Variants in LRMDA observed in about 807,000 individuals in gnomAD.
LRMDA encodes leucine rich melanocyte differentiation associated.
LRMDA carries 18 observed loss-of-function variants against 29.8 expected under a neutral mutation model. The ratio of observed to expected loss-of-function variants is 0.60; its 90% CI spans 0.42 to 0.90. LRMDA has a LOEUF of 0.90. Ranked by LOEUF, LRMDA falls within the 40% of genes least tolerant of loss-of-function variation. LRMDA has a pLI of 0.00. For synonymous variants in LRMDA, 125 were observed against 109.4 expected (o/e 1.14, Z -0.89); for missense variants, 273 against 273.9 (o/e 1.00, Z 0.02).
intron 5 of LRMDA, among the ~76,000 whole-genome samples, chr10:76,283,771 C>T (rs1225674553): frequency 1.3e-5 from 2 of 152,142 alleles, no homozygotes; most frequent in Non-Finnish European, 2.9e-5. Flanking sequence ...CTGGTTCAAC[C>T]AATACCCTGG....
chr10:76,130,515 C>T (rs1849968014), intron 5 of LRMDA, among the ~76,000 whole-genome samples: 1 of 152,182 alleles, frequency 6.6e-6, no homozygotes, highest in Non-Finnish European at 1.5e-5. Flanking sequence ...CTTCTTCGGT[C>T]AGAAGCTGTT....
chr10:75,734,635 C>T (rs1176835183), intron 2 of LRMDA, among the ~76,000 whole-genome samples: 4 of 152,120 alleles, frequency 2.6e-5, no homozygotes, highest in Non-Finnish European at 5.9e-5. Context: ...TATTGAGTAC[C>T]TGCTCTTTGC....
At chr10:75,494,587 G>A (rs1373462951) in intron 2 of LRMDA, among the ~76,000 whole-genome samples, 6 of 121,790 alleles carry the variant, frequency 4.9e-5, no homozygotes, top group African/African-American at 1.9e-4. Flanking sequence ...TGCAAACTCC[G>A]CCTCCTGGGT....
At chr10:76,452,864 A>G (rs191516259) in intron 6 of LRMDA, among the ~76,000 whole-genome samples, 2 of 152,316 alleles carry the variant, frequency 1.3e-5, no homozygotes, top group African/African-American at 4.8e-5. Context: ...TGATGGAGTT[A>G]TATCCTAGGA....
intron 6 of LRMDA, among the ~76,000 whole-genome samples, chr10:76,553,106 A>G (rs1843514725): frequency 6.6e-6 from 1 of 152,210 alleles, no homozygotes; most frequent in African/African-American, 2.4e-5. Context: ...TACTTAAGAA[A>G]AATTAGGAGT....
At chr10:75,723,797 T>C (rs575576177) in intron 2 of LRMDA, among the ~76,000 whole-genome samples, 1 of 152,306 alleles carries the variant, frequency 6.6e-6, no homozygotes, top group East Asian at 1.9e-4. Context: ...AATTTGATAG[T>C]TGTTTCCGTT....
intron 2 of LRMDA, among the ~76,000 whole-genome samples, chr10:75,562,737 T>C (rs1840315531): frequency 6.6e-6 from 1 of 152,146 alleles, no homozygotes; most frequent in Non-Finnish European, 1.5e-5. Context: ...GGTGACAAAA[T>C]CTCTCAGCAT....
intron 2 of LRMDA, among the ~76,000 whole-genome samples, chr10:75,723,795 A>C (rs1179222250): frequency 1.3e-5 from 2 of 152,178 alleles, no homozygotes; most frequent in Admixed American, 1.3e-4. Flanking sequence ...AAAATTTGAT[A>C]GTTGTTTCCG....
chr10:76,232,596 A>G (rs1343562168), intron 5 of LRMDA, among the ~76,000 whole-genome samples: 1 of 152,196 alleles, frequency 6.6e-6, no homozygotes, highest in African/African-American at 2.4e-5. Flanking sequence ...GCGATGCCCT[A>G]CCCTGGCCTT....
intron 6 of LRMDA, among the ~76,000 whole-genome samples, chr10:76,410,251 A>G (rs1373652347): frequency 6.6e-6 from 1 of 151,390 alleles, no homozygotes; most frequent in Non-Finnish European, 1.5e-5. Flanking sequence ...ATGCAAATTT[A>G]AAGAGTAGGG....
At chr10:75,657,450 G>C (rs768165727) in intron 2 of LRMDA, among the ~76,000 whole-genome samples, 3 of 152,170 alleles carry the variant, frequency 2.0e-5, no homozygotes, top group Non-Finnish European at 2.9e-5. Flanking sequence ...GTTGGGTAGG[G>C]CCAGGTACTA....
At chr10:76,235,414 C>T (rs1852133888) in intron 5 of LRMDA, among the ~76,000 whole-genome samples, 1 of 152,066 alleles carries the variant, frequency 6.6e-6, no homozygotes, top group South Asian at 2.1e-4. Flanking sequence ...AAGATAAGCA[C>T]ATGCTGTGGG....
At chr10:76,445,231 C>G (rs1460349527) in intron 6 of LRMDA, among the ~76,000 whole-genome samples, 1 of 152,130 alleles carries the variant, frequency 6.6e-6, no homozygotes, top group African/African-American at 2.4e-5. Context: ...AGGCTGGTAT[C>G]ACAACACTTG....
At chr10:75,493,337 G>A (rs1459411423) in intron 2 of LRMDA, among the ~76,000 whole-genome samples, 1 of 140,230 alleles carries the variant, frequency 7.1e-6, no homozygotes, top group Admixed American at 7.7e-5. Flanking sequence ...AGCCATAGAG[G>A]GTTGAGATTG....
intron 5 of LRMDA, among the ~76,000 whole-genome samples, chr10:76,136,505 A>G (rs1057149271): frequency 1.1e-4 from 17 of 152,206 alleles, no homozygotes; most frequent in Non-Finnish European, 2.2e-4. Flanking sequence ...CAATATTATG[A>G]GTAAACTATT....
chr10:76,387,963 T>G (rs959312173), intron 6 of LRMDA, among the ~76,000 whole-genome samples: 1 of 152,182 alleles, frequency 6.6e-6, no homozygotes, highest in African/African-American at 2.4e-5. Context: ...TCCTGTCATC[T>G]TTGTGTGACT....
At chr10:76,375,888 G>T (rs939350352) in intron 6 of LRMDA, among the ~76,000 whole-genome samples, 7 of 152,084 alleles carry the variant, frequency 4.6e-5, no homozygotes, top group Admixed American at 2.0e-4. Flanking sequence ...GAAGTGTGTT[G>T]TAATGGTTGA....
chr10:76,184,153 G>A (rs1190827446), intron 5 of LRMDA, among the ~76,000 whole-genome samples: 3 of 151,688 alleles, frequency 2.0e-5, no homozygotes, highest in African/African-American at 7.3e-5. Context: ...GCCTCAGCTT[G>A]CCATGTAGCT....
At chr10:76,044,203 G>C (rs1343323276) in intron 3 of LRMDA, among the ~76,000 whole-genome samples, 1 of 152,170 alleles carries the variant, frequency 6.6e-6, no homozygotes, top group Non-Finnish European at 1.5e-5. Context: ...GGGTCGCATG[G>C]GTGGGCTAGA....
Sources: gnomAD v4.1 joint callset for allele counts (sites outside exome capture counted in the v4.1 genomes callset) on GRCh38, gnomAD v4.1.1 for gene constraint, MANE v1.5 for transcripts, NCBI Gene and HGNC (gene_info 2026-07-23, HGNC 2026-07-21) for gene names.